Variants in GRIK2 observed in about 807,000 individuals in gnomAD.
GRIK2 encodes the protein glutamate ionotropic receptor kainate type subunit 2, also known as glutamate receptor ionotropic, kainate 2.
In GRIK2, 32 loss-of-function variants were observed where a neutral mutation model predicts 100.3. That is an observed-to-expected ratio of 0.32 (90% CI 0.24 to 0.43). The LOEUF (loss-of-function observed/expected upper bound fraction) is 0.43, where lower values mean the gene tolerates loss of function less well. Ranked by LOEUF, GRIK2 falls within the 20% of genes least tolerant of loss-of-function variation. The pLI, the probability that GRIK2 is intolerant of heterozygous loss-of-function variation, is 1.00. For synonymous variants in GRIK2, 417 were observed against 389.4 expected (o/e 1.07, Z -0.83); for missense variants, 843 against 1,114.9 (o/e 0.76, Z 3.47).
At chr6:101,555,262 A>G (rs1289696452) in intron 2 of GRIK2, among the ~76,000 whole-genome samples, 1 of 152,156 alleles carries the variant, frequency 6.6e-6, no homozygotes, top group Admixed American at 6.5e-5. Context: ...TAACTGGGCT[A>G]TGCAGAGGTG....
At chr6:101,929,404 A>T (rs1790118648) in intron 14 of GRIK2, among the ~76,000 whole-genome samples, 1 of 152,182 alleles carries the variant, frequency 6.6e-6, no homozygotes, top group Non-Finnish European at 1.5e-5. Flanking sequence ...GCAAATTTTA[A>T]AACATTGATA....
At chr6:102,009,594 G>A (rs1393295908) in intron 14 of GRIK2, among the ~76,000 whole-genome samples, 1 of 152,124 alleles carries the variant, frequency 6.6e-6, no homozygotes, top group African/African-American at 2.4e-5. Context: ...GTAAGAAAAT[G>A]TCTTCTGGAT....
At chr6:101,930,362 A>C (rs1325522434) in intron 14 of GRIK2, among the ~76,000 whole-genome samples, 8 of 122,038 alleles carry the variant, frequency 6.6e-5, no homozygotes, top group African/African-American at 2.5e-4. Context: ...AAATAAAATA[A>C]AATAAAATAA....
At chr6:101,580,614 T>C in intron 2 of GRIK2, among the ~76,000 whole-genome samples, 1 of 152,136 alleles carries the variant, frequency 6.6e-6, no homozygotes, top group East Asian at 1.9e-4. Flanking sequence ...AGCATTCTTC[T>C]GGAAAAAGTC....
chr6:101,981,594 A>G (rs900748516), intron 14 of GRIK2, among the ~76,000 whole-genome samples: 10 of 151,938 alleles, frequency 6.6e-5, no homozygotes, highest in African/African-American at 2.4e-4. Flanking sequence ...AAAGAAAGTT[A>G]GTACAACGAT....
chr6:101,666,363 A>G (rs1770029279), intron 4 of GRIK2, among the ~76,000 whole-genome samples: 3 of 152,174 alleles, frequency 2.0e-5, no homozygotes, highest in Admixed American at 6.5e-5. Context: ...CAAGCTCACT[A>G]GAGCTTGAAT....
intron 7 of GRIK2, among the ~76,000 whole-genome samples, chr6:101,757,290 C>A (rs1197572775): frequency 6.6e-6 from 1 of 151,964 alleles, no homozygotes; most frequent in African/African-American, 2.4e-5. Context: ...TATACAGTAC[C>A]TAATGTATTT....
chr6:101,907,540 G>A lies in GRIK2; in HGVS notation c.1749-17061G>A, dbSNP rs145490001. On this transcript the variant is annotated intron_variant, in intron 12 of 16. Coordinates refer to ENST00000369134, the MANE Select transcript of GRIK2 (RefSeq NM_021956.5). ...GACCGCCTGCAGTGCACCACAGTAC[G>A]AAAGCAACATTTAGCCACCCAGTGA... Among the ~76,000 whole-genome samples the A allele has an allele frequency of 6.6e-5, 10 of 151,718 alleles. No homozygotes were observed. The East Asian group carries it at 1.7e-3, about 26-fold the overall frequency.
chr6:102,040,850 A>G (rs1582771433), intron 15 of GRIK2, among the ~76,000 whole-genome samples: 1 of 151,668 alleles, frequency 6.6e-6, no homozygotes, highest in East Asian at 1.9e-4. Flanking sequence ...AGTTTAACAT[A>G]ATGCACAAAA....
chr6:102,024,826 C>T (rs1014694254), intron 14 of GRIK2, among the ~76,000 whole-genome samples: 3 of 150,428 alleles, frequency 2.0e-5, no homozygotes, highest in African/African-American at 7.3e-5. Flanking sequence ...AAGCCATGAA[C>T]AGAATATGAG....
At chr6:101,444,072 T>G (rs1277693844) in intron 2 of GRIK2, among the ~76,000 whole-genome samples, 1 of 134,076 alleles carries the variant, frequency 7.5e-6, no homozygotes, top group Non-Finnish European at 1.8e-5. Flanking sequence ...CGGGTTTTTT[T>G]GTTTGTTTGT....
At chr6:101,663,700 A>T (rs954189855) in intron 4 of GRIK2, among the ~76,000 whole-genome samples, 2 of 152,234 alleles carry the variant, frequency 1.3e-5, no homozygotes, top group African/African-American at 4.8e-5. Flanking sequence ...CACACAGACC[A>T]AAGTTACAAT....
chr6:101,861,343 G>C (rs1326155089), intron 11 of GRIK2, among the ~76,000 whole-genome samples: 2 of 152,160 alleles, frequency 1.3e-5, no homozygotes, highest in Non-Finnish European at 1.5e-5. Flanking sequence ...GTATTACAAT[G>C]AGAAATCTGT....
intron 2 of GRIK2, among the ~76,000 whole-genome samples, chr6:101,442,891 A>G (rs1477585867): frequency 3.3e-5 from 5 of 152,126 alleles, no homozygotes; most frequent in Non-Finnish European, 5.9e-5. Context: ...CGTATTTACT[A>G]CTTCTCCTGT....
chr6:102,019,847 C>G lies in GRIK2; in HGVS notation c.2086-15494C>G, dbSNP rs140030093. Among the ~76,000 whole-genome samples the G allele has an allele frequency of 8.5e-4, 130 of 152,056 alleles. 1 individual carries two copies. The East Asian group carries it at 0.018, about 21-fold the overall frequency. Reference sequence around the variant, plus strand: ...CATCTAACTGCTTCTAGATCTCCTACTATGAAATGTCTAATGGTTGTCTAT... The same window carrying G: ...CATCTAACTGCTTCTAGATCTCCTAGTATGAAATGTCTAATGGTTGTCTAT... On this transcript the variant is annotated intron_variant, in intron 14 of 16. Coordinates refer to ENST00000369134, the MANE Select transcript of GRIK2 (RefSeq NM_021956.5).
intron 11 of GRIK2, among the ~76,000 whole-genome samples, chr6:101,876,531 C>T (rs374783154): frequency 2.0e-5 from 3 of 150,572 alleles, no homozygotes; most frequent in African/African-American, 7.4e-5. Context: ...AACCTCATCC[C>T]TGCAGCACCA....
chr6:101,595,660 TTATA>T (rs1447846524), intron 2 of GRIK2, among the ~76,000 whole-genome samples: 1 of 148,294 alleles, frequency 6.7e-6, no homozygotes, highest in African/African-American at 2.5e-5. Flanking sequence ...AAACACATAT[TTATA>T]TACACATAAA....
chr6:102,007,860 C>T (rs1016845824), intron 14 of GRIK2, among the ~76,000 whole-genome samples: 4 of 151,896 alleles, frequency 2.6e-5, no homozygotes, highest in African/African-American at 9.7e-5. Context: ...AGGGGAATAC[C>T]TCTATCCTTC....
chr6:101,760,106 T>A (rs560308519), intron 7 of GRIK2, among the ~76,000 whole-genome samples: 1 of 146,124 alleles, frequency 6.8e-6, no homozygotes, highest in Non-Finnish European at 1.5e-5. Flanking sequence ...CCTGACCTCA[T>A]GATCCACCCG....
Sources: allele counts gnomAD v4.1 joint callset (sites outside exome capture counted in the v4.1 genomes callset), GRCh38; gene constraint gnomAD v4.1.1; transcripts MANE v1.5; gene names NCBI Gene and HGNC (gene_info 2026-07-23, HGNC 2026-07-21).